The following DNAI4 variants were observed in gnomAD, a reference collection of about 807,000 sequenced individuals.
The protein encoded by DNAI4 is dynein axonemal intermediate chain 4, also known as WD repeat domain 78.
Under a neutral mutation model 105.8 loss-of-function variants are expected in DNAI4, and 85 were observed. The observed-to-expected ratio is 0.80, with a 90% CI of 0.67 to 0.96. The LOEUF is 0.96. Ranked by LOEUF, DNAI4 falls within the 40% of genes least tolerant of loss-of-function variation. DNAI4 has a pLI of 0.00. For missense variants in DNAI4, 1,014 were observed against 1,005.6 expected, an observed-to-expected ratio of 1.01 and a Z score of -0.11; for synonymous variants, 352 against 331.5, an observed-to-expected ratio of 1.06 and a Z score of -0.67.
intron 1 of DNAI4, among the ~76,000 whole-genome samples, chr1:66,912,915 T>A (rs746646949): frequency 1.1e-4 from 16 of 152,168 alleles, no homozygotes; most frequent in Non-Finnish European, 1.8e-4. Context: ...CTTCAGAGAA[T>A]CCCTGATCTC....
At chr1:66,918,715 A>T (rs1303415925) in intron 1 of DNAI4, among the ~76,000 whole-genome samples, 1 of 152,228 alleles carries the variant, frequency 6.6e-6, no homozygotes, top group Non-Finnish European at 1.5e-5. Flanking sequence ...ATCTAGGAAC[A>T]AACTGTCCTA....
intron 1 of DNAI4, among the ~76,000 whole-genome samples, chr1:66,916,248 A>C (rs189239426): frequency 6.6e-6 from 1 of 152,216 alleles, no homozygotes; most frequent in Non-Finnish European, 1.5e-5. Flanking sequence ...AAAAACTTTT[A>C]TATGATCAAG....
intron 7 of DNAI4, 24 bp from the exon 8 acceptor site, chr1:66,847,702 A>G: frequency 6.7e-7 from 1 of 1,491,634 alleles, no homozygotes; most frequent in South Asian, 1.2e-5. Flanking sequence ...ACATGATACA[A>G]TGATAAAATA....
rs536737393 is a variant in DNAI4 at position 66,852,855 on chromosome 1, A to AGAT, written c.1097-5180_1097-5178dup. Among the ~76,000 whole-genome samples the AGAT allele has an allele frequency of 5.3e-5, 8 of 152,306 alleles. No individual in the cohort carries two copies. In the South Asian group the frequency reaches 1.7e-3, roughly 32 times the overall value. ...ATGAATGAGATTAGTGTCCTGAAAA[A>AGAT]GATACCTCCAGAGAGCTCTTTTGCT... is the stretch of plus-strand genomic sequence containing the variant. On this transcript the variant is annotated intron_variant, in intron 7 of 16. Transcript: ENST00000371026.
chr1:66,898,447 G>A (rs1314488940), intron 2 of DNAI4, among the ~76,000 whole-genome samples: 2 of 152,168 alleles, frequency 1.3e-5, no homozygotes, highest in East Asian at 1.9e-4. Context: ...GTGTTGAGAG[G>A]TGGGACTTTT....
intron 13 of DNAI4, among the ~76,000 whole-genome samples, chr1:66,830,240 A>C (rs968498898): frequency 6.6e-6 from 1 of 152,146 alleles, no homozygotes; most frequent in Admixed American, 6.5e-5. Context: ...AACAAAAAAA[A>C]AATAGTGAAA....
At chr1:66,829,036 G>A (rs946590114) in intron 13 of DNAI4, among the ~76,000 whole-genome samples, 8 of 152,172 alleles carry the variant, frequency 5.3e-5, no homozygotes, top group Non-Finnish European at 1.2e-4. Context: ...CAACCTCTAT[G>A]TGGGAAACAG....
intron 15 of DNAI4, among the ~76,000 whole-genome samples, chr1:66,823,884 CT>C (rs1453297728): frequency 2.7e-5 from 4 of 150,580 alleles, no homozygotes; most frequent in Non-Finnish European, 4.5e-5. Context: ...ATGGTAGTTT[CT>C]TTTGCTGTGC....
At chr1:66,874,005 A>T (rs563648441) in intron 5 of DNAI4, among the ~76,000 whole-genome samples, 17 of 151,842 alleles carry the variant, frequency 1.1e-4, no homozygotes, top group South Asian at 8.3e-4. Context: ...TAATACCCTA[A>T]AATTATTTTA....
intron 9 of DNAI4, 133 bp from the exon 10 acceptor site, chr1:66,837,929 A>C (rs1646065827): frequency 5.9e-6 from 5 of 845,944 alleles, no homozygotes; most frequent in Non-Finnish European, 9.0e-6. Flanking sequence ...AAAAAATGCC[A>C]GTACACCATC....
intron 3 of DNAI4, among the ~76,000 whole-genome samples, 191 bp downstream of exon 3, chr1:66,893,034 GGAAA>G (rs60301274): frequency 5.9e-4 from 54 of 91,170 alleles, no homozygotes; most frequent in East Asian, 2.2e-3. Flanking sequence ...AAGAAAGAGA[GGAAA>G]GAAAGAAAGA....
At chr1:66,909,870 G>T (rs1569872818) in intron 1 of DNAI4, among the ~76,000 whole-genome samples, 1 of 151,798 alleles carries the variant, frequency 6.6e-6, no homozygotes, top group South Asian at 2.1e-4. Context: ...TTGCTTGGGT[G>T]AAAAAAAATT....
rs199991220 is a variant in DNAI4 at position 66,896,868 on chromosome 1, AC to A, written c.346-3456del. Among the ~76,000 whole-genome samples the A allele has an allele frequency of 5.0e-3, 764 of 152,286 alleles. 21 individuals carry two copies. In the East Asian group the frequency reaches 0.088, roughly 18 times the overall value. On this transcript the variant is annotated intron_variant, in intron 2 of 16. Transcript: ENST00000371026. ...ATTCATTTACAGAAACAGAAAACAC[AC>A]TAAAAAAATTAATACCAAGAAGTGG...
At chr1:66,873,407 G>A (rs1479267922) in intron 5 of DNAI4, among the ~76,000 whole-genome samples, 4 of 151,424 alleles carry the variant, frequency 2.6e-5, no homozygotes, top group Admixed American at 6.6e-5. Context: ...CACCAAGCCC[G>A]GCTAATCAAA....
chr1:66,822,237 G>C, intron 16 of DNAI4, 124 bp downstream of exon 16: 1 of 929,052 alleles, frequency 1.1e-6, no homozygotes, highest in South Asian at 3.0e-5. Flanking sequence ...GCAACTCCTG[G>C]AATTTATGTT....
intron 16 of DNAI4, among the ~76,000 whole-genome samples, chr1:66,817,610 T>C (rs1423984633): frequency 1.3e-5 from 2 of 151,926 alleles, no homozygotes; most frequent in African/African-American, 2.4e-5. Context: ...TAGAATCTCA[T>C]CTAATCAGAT....
In DNAI4 at chr1:66,838,491, A is replaced by G. The variant is rs1421314137; in HGVS notation, c.1495-695T>C. ...TGAGAAAATAAATTGCTGTTCTTTAAGACACCCAGTCTATAATATATTGTT... is the reference window on the plus strand; with the variant it reads ...TGAGAAAATAAATTGCTGTTCTTTAGGACACCCAGTCTATAATATATTGTT... On this transcript the variant is annotated intron_variant, in intron 9 of 16. Coordinates refer to ENST00000371026, the MANE Select transcript of DNAI4 (RefSeq NM_024763.5). 2.6e-5 allele frequency among the ~76,000 whole-genome samples: 4 copies of G among 152,340 alleles called. No homozygotes were observed. The East Asian group carries it at 5.8e-4, about 22-fold the overall frequency.
intron 7 of DNAI4, among the ~76,000 whole-genome samples, chr1:66,853,242 T>C (rs139817405): frequency 2.2e-4 from 33 of 152,212 alleles, no homozygotes; most frequent in African/African-American, 7.7e-4. Context: ...AGAGAAGACA[T>C]GCAGAACTAT....
At chr1:66,911,352 C>G (rs1380846871) in intron 1 of DNAI4, among the ~76,000 whole-genome samples, 1 of 152,176 alleles carries the variant, frequency 6.6e-6, no homozygotes, top group Non-Finnish European at 1.5e-5. Flanking sequence ...TCCAGAAGCT[C>G]TCTGAACCCA....
Sources: allele counts gnomAD v4.1 joint callset (sites outside exome capture counted in the v4.1 genomes callset), GRCh38; gene constraint gnomAD v4.1.1; transcripts MANE v1.5; gene names NCBI Gene and HGNC (gene_info 2026-07-23, HGNC 2026-07-21).